Variants in RBFOX1 observed in about 807,000 individuals in gnomAD.
RBFOX1 encodes RNA binding protein fox-1 homolog 1.
A neutral mutation model predicts 57.7 loss-of-function variants in RBFOX1; 8 were observed. The observed-to-expected ratio is 0.14, with a 90% CI of 0.08 to 0.25. The LOEUF (loss-of-function observed/expected upper bound fraction) is 0.25. Ranked by LOEUF, RBFOX1 falls within the 10% of genes least tolerant of loss-of-function variation. RBFOX1 has a pLI of 1.00. For synonymous variants in RBFOX1, 326 were observed against 222.4 expected (o/e 1.47, Z -4.15); for missense variants, 611 against 548.5 (o/e 1.11, Z -1.14).
At chr16:5,855,180 A>G (rs886791502) in intron 3 of RBFOX1, among the ~76,000 whole-genome samples, 9 of 152,120 alleles carry the variant, frequency 5.9e-5, no homozygotes, top group African/African-American at 1.2e-4. Flanking sequence ...GTAGGTTGCT[A>G]TTTTGTTCTG....
intron 3 of RBFOX1, among the ~76,000 whole-genome samples, chr16:6,754,562 C>G (rs1317748175): frequency 6.6e-6 from 1 of 152,146 alleles, no homozygotes; most frequent in Non-Finnish European, 1.5e-5. Flanking sequence ...TAGAATTTCT[C>G]TCTACAAATT....
At chr16:7,503,081 C>T (rs2071540986) in intron 4 of RBFOX1, among the ~76,000 whole-genome samples, 1 of 152,106 alleles carries the variant, frequency 6.6e-6, no homozygotes, top group Non-Finnish European at 1.5e-5. Context: ...GCGTCCACTC[C>T]TTGCACTACT....
In RBFOX1 at chr16:6,496,301, C is replaced by T. The variant is rs201178616; in HGVS notation, c.-63-158302C>T. On this transcript the variant is annotated intron_variant, in intron 2 of 15. Transcript: ENST00000550418. ...TGGTGGTGTGACCTAATATTTGGAA[C>T]TTCCTTCATTTGTTGTTCTTCATTC... 3.3e-5 allele frequency among the ~76,000 whole-genome samples: 5 copies of T among 152,182 alleles called. No homozygotes were observed. The East Asian group carries it at 9.6e-4, about 29-fold the overall frequency.
intron 2 of RBFOX1, among the ~76,000 whole-genome samples, chr16:6,467,371 A>T (rs62016765): frequency 0.01 from 1,596 of 152,198 alleles, 10 homozygotes; most frequent in Non-Finnish European, 0.019. Context: ...ACATTAAAAT[A>T]GTGCTTATTT....
At chr16:5,972,522 A>G (rs1473798257) in intron 4 of RBFOX1, among the ~76,000 whole-genome samples, 2 of 152,142 alleles carry the variant, frequency 1.3e-5, no homozygotes, top group African/African-American at 4.8e-5. Flanking sequence ...AGGGAAGGGG[A>G]GTTGGCCCTT....
intron 4 of RBFOX1, among the ~76,000 whole-genome samples, chr16:7,351,865 C>T (rs958588843): frequency 6.6e-6 from 1 of 152,152 alleles, no homozygotes; most frequent in African/African-American, 2.4e-5. Context: ...AAATTTTCAG[C>T]TGTCAGCAGC....
intron 4 of RBFOX1, among the ~76,000 whole-genome samples, chr16:7,397,899 A>G (rs1401367624): frequency 6.6e-6 from 1 of 152,098 alleles, no homozygotes; most frequent in African/African-American, 2.4e-5. Flanking sequence ...AACAGATGAA[A>G]CTACCTGATT....
chr16:7,420,627 C>G (rs2098531566), intron 4 of RBFOX1, among the ~76,000 whole-genome samples: 1 of 150,606 alleles, frequency 6.6e-6, no homozygotes, highest in Non-Finnish European at 1.5e-5. Flanking sequence ...TTCCTTCTGA[C>G]TTAGTGAAAT....
chr16:7,155,712 A>AATATATATAT (rs1186735495), intron 4 of RBFOX1, among the ~76,000 whole-genome samples: 27 of 77,396 alleles, frequency 3.5e-4, no homozygotes, highest in African/African-American at 1.7e-3. Flanking sequence ...AAAAAAAAAA[A>AATATATATAT]ATATATATAT....
At chr16:5,428,173 C>G (rs1047280414) in intron 1 of RBFOX1, among the ~76,000 whole-genome samples, 2 of 151,966 alleles carry the variant, frequency 1.3e-5, no homozygotes, top group African/African-American at 2.4e-5. Flanking sequence ...TACACACAAA[C>G]ACAATGCATG....
chr16:6,939,075 T>C (rs1016926980), intron 3 of RBFOX1, among the ~76,000 whole-genome samples: 2 of 152,206 alleles, frequency 1.3e-5, no homozygotes, highest in African/African-American at 4.8e-5. Context: ...GGTTTGTTCT[T>C]TTCCTGTCAT....
At chr16:6,945,557 C>T (rs1045169302) in intron 3 of RBFOX1, among the ~76,000 whole-genome samples, 5 of 151,942 alleles carry the variant, frequency 3.3e-5, no homozygotes, top group Non-Finnish European at 7.4e-5. Context: ...GACTCATGGG[C>T]AACCAGTTTG....
At chr16:6,268,233 G>C (rs756099356) in intron 1 of RBFOX1, among the ~76,000 whole-genome samples, 16 of 152,196 alleles carry the variant, frequency 1.1e-4, no homozygotes, top group Non-Finnish European at 1.9e-4. Flanking sequence ...TTTTGAATCT[G>C]TGTCCCTAGA....
At chr16:6,893,302 G>A (rs901441458) in intron 3 of RBFOX1, among the ~76,000 whole-genome samples, 6 of 152,154 alleles carry the variant, frequency 3.9e-5, no homozygotes, top group African/African-American at 1.2e-4. Context: ...TGGGAGTCGG[G>A]AAAGAAAGCC....
intron 3 of RBFOX1, among the ~76,000 whole-genome samples, chr16:5,696,953 C>T (rs931212604): frequency 1.3e-5 from 2 of 152,060 alleles, no homozygotes; most frequent in Non-Finnish European, 2.9e-5. Context: ...CATTCTCTTG[C>T]CCAGGCTGGA....
intron 2 of RBFOX1, among the ~76,000 whole-genome samples, chr16:6,557,938 C>G (rs2097127918): frequency 6.6e-6 from 1 of 152,168 alleles, no homozygotes; most frequent in Non-Finnish European, 1.5e-5. Flanking sequence ...GCATGCCCAA[C>G]TCATCTTAAT....
intron 1 of RBFOX1, among the ~76,000 whole-genome samples, chr16:6,147,396 G>C (rs538466890): frequency 6.6e-6 from 1 of 152,220 alleles, no homozygotes; most frequent in East Asian, 1.9e-4. Flanking sequence ...CAAGCACCCG[G>C]GAGCATTCCA....
At chr16:7,237,581 C>G (rs1376831328) in intron 4 of RBFOX1, among the ~76,000 whole-genome samples, 3 of 152,196 alleles carry the variant, frequency 2.0e-5, no homozygotes, top group Non-Finnish European at 4.4e-5. Flanking sequence ...CTTCCTATGT[C>G]AACTCTGCCT....
At chr16:6,643,400 C>G (rs1201408769) in intron 2 of RBFOX1, among the ~76,000 whole-genome samples, 1 of 141,988 alleles carries the variant, frequency 7.0e-6, no homozygotes, top group Non-Finnish European at 1.5e-5. Flanking sequence ...TGATTTGAAT[C>G]TTGGTTTTTG....
Sources: allele counts gnomAD v4.1 joint callset (sites outside exome capture counted in the v4.1 genomes callset), GRCh38; gene constraint gnomAD v4.1.1; transcripts MANE v1.5; gene names NCBI Gene and HGNC (gene_info 2026-07-23, HGNC 2026-07-21).